PHTF2: variants seen among roughly 807,000 people sequenced by gnomAD.
The protein encoded by PHTF2 is protein PHTF2.
In PHTF2, 60 loss-of-function variants were observed where a neutral mutation model predicts 101.2. That is an observed-to-expected ratio of 0.59 (90% confidence interval 0.48 to 0.73). The LOEUF (loss-of-function observed/expected upper bound fraction) is 0.73, where lower values mean the gene tolerates loss of function less well. Ranked by LOEUF, PHTF2 falls within the 30% of genes least tolerant of loss-of-function variation. The pLI is 0.00. For missense variants in PHTF2, 747 were observed against 908.7 expected, an observed-to-expected ratio of 0.82 and a Z score of 2.29; for synonymous variants, 311 against 307.3, an observed-to-expected ratio of 1.01 and a Z score of -0.13.
intron 3 of PHTF2, among the ~76,000 whole-genome samples, chr7:77,863,605 T>A (rs1271289507): frequency 6.6e-6 from 1 of 152,124 alleles, no homozygotes; most frequent in African/African-American, 2.4e-5. Flanking sequence ...CCTCACCTGG[T>A]CTCAGTGTAG....
chr7:77,831,561 C>T (rs1186655318), intron 1 of PHTF2, among the ~76,000 whole-genome samples: 1 of 152,148 alleles, frequency 6.6e-6, no homozygotes, highest in Non-Finnish European at 1.5e-5. Flanking sequence ...AGTCTACTGA[C>T]GTTGACAACA....
At chr7:77,943,980 G>A (rs1173553553) in intron 16 of PHTF2, among the ~76,000 whole-genome samples, 4 of 151,770 alleles carry the variant, frequency 2.6e-5, no homozygotes, top group Non-Finnish European at 5.9e-5. Context: ...CCAGCCTGGG[G>A]GATACAGCAA....
intron 1 of PHTF2, among the ~76,000 whole-genome samples, chr7:77,834,327 A>C (rs992207505): frequency 8.5e-5 from 13 of 152,084 alleles, no homozygotes; most frequent in African/African-American, 3.1e-4. Context: ...AAAAAAAAAA[A>C]AAAAAAAATT....
chr7:77,836,966 A>T (rs1478479212), intron 1 of PHTF2, among the ~76,000 whole-genome samples: 2 of 143,886 alleles, frequency 1.4e-5, no homozygotes, highest in Non-Finnish European at 3.0e-5. Flanking sequence ...AAAGTATAAT[A>T]AAAAAAGCAA....
chr7:77,799,823 G>A (rs114605519), intron 1 of PHTF2, among the ~76,000 whole-genome samples: 3,140 of 152,260 alleles, frequency 0.021, 88 homozygotes, highest in African/African-American at 0.071. Context: ...ATTAATCTCA[G>A]TGTGTACTTT....
chr7:77,866,458 G>T (rs541683571), intron 3 of PHTF2, among the ~76,000 whole-genome samples: 2 of 152,226 alleles, frequency 1.3e-5, no homozygotes, highest in East Asian at 3.9e-4. Context: ...CTGAGTATCT[G>T]TTGAACATAC....
chr7:77,928,906 T>C (rs1357632177), intron 11 of PHTF2, among the ~76,000 whole-genome samples: 1 of 152,242 alleles, frequency 6.6e-6, no homozygotes, highest in Non-Finnish European at 1.5e-5. Flanking sequence ...AGCTGAAATA[T>C]GAAATCAAAT....
chr7:77,919,398 A>G (rs1393956194), intron 9 of PHTF2, among the ~76,000 whole-genome samples: 1 of 152,216 alleles, frequency 6.6e-6, no homozygotes, highest in Non-Finnish European at 1.5e-5. Flanking sequence ...CAAAAATTCA[A>G]GGGAATTTAT....
At position 77,880,013 on chromosome 7, in the gene PHTF2, G is replaced by C. The variant is rs1340164015; in HGVS notation, c.148-13595G>C. Among the ~76,000 whole-genome samples, 3 of 152,156 alleles carry C rather than the reference G, an allele frequency of 2.0e-5. No homozygotes were observed. The South Asian group carries it at 6.2e-4, about 32-fold the overall frequency. On this transcript the variant is annotated intron_variant, in intron 3 of 19. Transcript: ENST00000416283. ...GTGATACATATTTATCATAGGAAAA[G>C]TGGAAAATGCAGGTTAAGTATAATG...
intron 1 of PHTF2, among the ~76,000 whole-genome samples, chr7:77,833,772 G>A (rs1795238959): frequency 6.6e-6 from 1 of 152,136 alleles, no homozygotes; most frequent in Non-Finnish European, 1.5e-5. Flanking sequence ...GTTACAGTGA[G>A]CTATGATCAA....
At chr7:77,802,009 A>G (rs956941864) in intron 1 of PHTF2, among the ~76,000 whole-genome samples, 3 of 152,238 alleles carry the variant, frequency 2.0e-5, no homozygotes, top group Non-Finnish European at 4.4e-5. Context: ...GTGAATACAA[A>G]AGAAACAATA....
intron 5 of PHTF2, chr7:77,896,060 G>T (rs1464785796): frequency 6.6e-6 from 1 of 151,846 alleles, no homozygotes; most frequent in Non-Finnish European, 1.5e-5. Flanking sequence ...TCCTTTTGGG[G>T]TGATAAAAAA....
intron 5 of PHTF2, among the ~76,000 whole-genome samples, chr7:77,899,582 A>G (rs1490318900): frequency 1.3e-5 from 2 of 152,178 alleles, no homozygotes; most frequent in African/African-American, 4.8e-5. Flanking sequence ...TTCAGCCAGA[A>G]CTATTTGAAG....
intron 1 of PHTF2, among the ~76,000 whole-genome samples, chr7:77,836,789 A>T (rs1188061946): frequency 3.3e-5 from 5 of 150,680 alleles, no homozygotes; most frequent in Admixed American, 6.6e-5. Flanking sequence ...GGAGACAGGG[A>T]GGGAAACATC....
At chr7:77,927,347 G>A (rs1412302107) in intron 11 of PHTF2, among the ~76,000 whole-genome samples, 6 of 151,876 alleles carry the variant, frequency 4.0e-5, no homozygotes, top group Non-Finnish European at 5.9e-5. Flanking sequence ...TGTAATCCCT[G>A]TACTTTCAGA....
chr7:77,835,452 AACAG>A (rs1220030482), intron 1 of PHTF2, among the ~76,000 whole-genome samples: 1 of 152,204 alleles, frequency 6.6e-6, no homozygotes, highest in Non-Finnish European at 1.5e-5. Context: ...GTCATGCCAG[AACAG>A]ACAAATTTGT....
chr7:77,874,481 A>G (rs1412491902), intron 3 of PHTF2, among the ~76,000 whole-genome samples: 1 of 152,232 alleles, frequency 6.6e-6, no homozygotes, highest in Admixed American at 6.5e-5. Flanking sequence ...CTGAGGAGCA[A>G]GGAGAGCCAG....
chr7:77,928,486 T>TA (rs11403130), intron 11 of PHTF2, among the ~76,000 whole-genome samples: 12,146 of 146,550 alleles, frequency 0.083, 573 homozygotes, highest in South Asian at 0.19. Flanking sequence ...CACTCTTGCT[T>TA]AAAAAAAAAA....
intron 3 of PHTF2, among the ~76,000 whole-genome samples, chr7:77,885,484 A>T (rs1722058991): frequency 6.6e-6 from 1 of 151,770 alleles, no homozygotes; most frequent in Non-Finnish European, 1.5e-5. Context: ...TTGCTCTGTC[A>T]CCCAGGCTAG....
Sources: gnomAD v4.1 joint callset for allele counts (sites outside exome capture counted in the v4.1 genomes callset) on GRCh38, gnomAD v4.1.1 for gene constraint, MANE v1.5 for transcripts, NCBI Gene and HGNC (gene_info 2026-07-23, HGNC 2026-07-21) for gene names.